The following LSAMP variants were observed in gnomAD, a reference collection of about 807,000 sequenced individuals.
The protein encoded by LSAMP is limbic system-associated membrane protein.
Under a neutral mutation model 38.6 loss-of-function variants are expected in LSAMP, and 7 were observed. The ratio of observed to expected loss-of-function variants is 0.18; its 90% confidence interval spans 0.10 to 0.34. LSAMP has a LOEUF of 0.34. Ranked by LOEUF, LSAMP falls within the 10% of genes least tolerant of loss-of-function variation. The pLI, the probability that LSAMP is intolerant of heterozygous loss-of-function variation, is 1.00. For synonymous variants in LSAMP, 154 were observed against 166.8 expected (o/e 0.92, Z 0.59); for missense variants, 313 against 420.0 (o/e 0.75, Z 2.23).
chr3:116,278,411 T>TATTA (rs894811679), intron 1 of LSAMP, among the ~76,000 whole-genome samples: 57 of 152,310 alleles, frequency 3.7e-4, no homozygotes, highest in African/African-American at 1.3e-3. Context: ...CACCTGAAGT[T>TATTA]ATTATCCTCA....
chr3:116,391,402 T>G (rs2048694907), intron 1 of LSAMP, among the ~76,000 whole-genome samples: 1 of 151,916 alleles, frequency 6.6e-6, no homozygotes, highest in South Asian at 2.1e-4. Flanking sequence ...CTCCAGACCC[T>G]GGCCCTGCAT....
At chr3:115,995,295 A>G (rs779391849) in intron 3 of LSAMP, among the ~76,000 whole-genome samples, 1 of 152,006 alleles carries the variant, frequency 6.6e-6, no homozygotes, top group Non-Finnish European at 1.5e-5. Context: ...TCTTCACCTA[A>G]AAGTGCCTGT....
intron 2 of LSAMP, among the ~76,000 whole-genome samples, chr3:116,061,067 T>G (rs1318316376): frequency 6.6e-6 from 1 of 152,162 alleles, no homozygotes; most frequent in African/African-American, 2.4e-5. Context: ...AATCAGGGAC[T>G]AGGAGACCGC....
At chr3:115,905,490 A>G (rs1187064619) in intron 3 of LSAMP, among the ~76,000 whole-genome samples, 1 of 152,122 alleles carries the variant, frequency 6.6e-6, no homozygotes, top group Non-Finnish European at 1.5e-5. Context: ...TCAGTTTTTC[A>G]TCTGTGAACA....
At chr3:116,367,611 T>C (rs1324873920) in intron 1 of LSAMP, among the ~76,000 whole-genome samples, 1 of 151,750 alleles carries the variant, frequency 6.6e-6, no homozygotes, top group Non-Finnish European at 1.5e-5. Context: ...TTCAAGCGAT[T>C]CTCCTGCCTC....
intron 3 of LSAMP, among the ~76,000 whole-genome samples, chr3:115,951,682 G>C (rs13083724): frequency 0.24 from 35,731 of 151,946 alleles, 5,019 homozygotes; most frequent in East Asian, 0.52. Context: ...TAGTCTTCTG[G>C]CCTACATTTT....
At chr3:116,408,402 T>C (rs1446890041) in intron 1 of LSAMP, among the ~76,000 whole-genome samples, 7 of 152,140 alleles carry the variant, frequency 4.6e-5, no homozygotes, top group African/African-American at 1.7e-4. Context: ...GTGGAACTTC[T>C]GAAAATAAAA....
At chr3:116,021,938 A>AT (rs1187224917) in intron 2 of LSAMP, among the ~76,000 whole-genome samples, 2 of 152,160 alleles carry the variant, frequency 1.3e-5, no homozygotes, top group African/African-American at 2.4e-5. Flanking sequence ...ATCTAGAATA[A>AT]TTGACTACAG....
In LSAMP at chr3:116,201,425, T is replaced by C. The variant is rs544210402; in HGVS notation, c.156-114869A>G. The stretch of plus-strand genomic sequence containing the variant: ...GTCTTTTTATAAAATTAAATTGATA[T>C]CTCTTTGGAAGAGTCATGGATAGTC... On this transcript the variant is annotated intron_variant, in intron 1 of 6. Coordinates refer to ENST00000490035, the MANE Select transcript of LSAMP (RefSeq NM_002338.5). Among the ~76,000 whole-genome samples the C allele has an allele frequency of 6.6e-5, 10 of 152,260 alleles. No individual in the cohort carries two copies. In the East Asian group the frequency reaches 9.7e-4, roughly 15 times the overall value.
chr3:116,052,620 A>C (rs1341721539), intron 2 of LSAMP, among the ~76,000 whole-genome samples: 1 of 152,156 alleles, frequency 6.6e-6, no homozygotes. Context: ...GCCAAACAAG[A>C]CAAAGCATTC....
In LSAMP at chr3:115,899,177, T is replaced by C. The variant is rs372716436; in HGVS notation, c.515-46560A>G. Among the ~76,000 whole-genome samples the C allele has an allele frequency of 5.9e-5, 9 of 152,206 alleles. No individual in the cohort carries two copies. In the East Asian group the frequency reaches 1.2e-3, roughly 20 times the overall value. Reference sequence around the variant, plus strand: ...TGTATTCAGGGTACAAAGAATAACATTTTTAGCTAGCTCGGCTTCCTTTCA... The same window carrying C: ...TGTATTCAGGGTACAAAGAATAACACTTTTAGCTAGCTCGGCTTCCTTTCA... On this transcript the variant is annotated intron_variant, in intron 3 of 6. Coordinates refer to ENST00000490035, the MANE Select transcript of LSAMP (RefSeq NM_002338.5).
At chr3:116,146,044 GA>G (rs1307674526) in intron 1 of LSAMP, among the ~76,000 whole-genome samples, 11 of 151,796 alleles carry the variant, frequency 7.2e-5, no homozygotes, top group Non-Finnish European at 1.5e-4. Flanking sequence ...TTTCACACAA[GA>G]ATTTTTTTTC....
chr3:116,217,997 G>C (rs1029452326), intron 1 of LSAMP, among the ~76,000 whole-genome samples: 2 of 152,120 alleles, frequency 1.3e-5, no homozygotes, highest in African/African-American at 4.8e-5. Flanking sequence ...AGCATGTCTA[G>C]TCTTAAACTT....
intron 1 of LSAMP, among the ~76,000 whole-genome samples, chr3:116,159,057 A>G (rs1189473181): frequency 6.6e-6 from 1 of 152,186 alleles, no homozygotes; most frequent in Non-Finnish European, 1.5e-5. Context: ...TAAATGGGGC[A>G]GAAGATTGAA....
chr3:116,149,133 G>A (rs1470721903), intron 1 of LSAMP, among the ~76,000 whole-genome samples: 1 of 151,968 alleles, frequency 6.6e-6, no homozygotes, highest in Middle Eastern at 3.2e-3. Context: ...GGGTTCATGT[G>A]CAGAATGGTG....
In LSAMP at chr3:116,367,214, A is replaced by G. The variant is rs111802591; in HGVS notation, c.155+77663T>C. On this transcript the variant is annotated intron_variant, in intron 1 of 6. Transcript: ENST00000490035. ...TATGAGGCATTACATGAAAGAAATTACACCCAGCAGCATCTTCAAATTAGT... is the reference window on the plus strand; with the variant it reads ...TATGAGGCATTACATGAAAGAAATTGCACCCAGCAGCATCTTCAAATTAGT... Among the ~76,000 whole-genome samples, 658 of 152,318 alleles carry G rather than the reference A, an allele frequency of 4.3e-3. 6 individuals are homozygous for G. Among genetic ancestry groups the G allele is most frequent in the African/African-American group, 0.015 (625 of 41,574 alleles).
chr3:115,875,509 G>C lies in LSAMP; in HGVS notation c.515-22892C>G, dbSNP rs561067951. Reference sequence around the variant, plus strand: ...TTATCCCAAATATCACTATGTGCTAGGCCTGTCACATAGTAGATACTCAAT... The same window carrying C: ...TTATCCCAAATATCACTATGTGCTACGCCTGTCACATAGTAGATACTCAAT... On this transcript the variant is annotated intron_variant, in intron 3 of 6. Transcript: ENST00000490035. 1.4e-3 allele frequency among the ~76,000 whole-genome samples: 209 copies of C among 152,116 alleles called. 1 individual carries two copies. The highest frequency in any genetic ancestry group is 4.8e-3 in the African/African-American group (199 of 41,514).
At chr3:116,412,073 A>C (rs1243069393) in intron 1 of LSAMP, among the ~76,000 whole-genome samples, 1 of 152,074 alleles carries the variant, frequency 6.6e-6, no homozygotes, top group East Asian at 1.9e-4. Flanking sequence ...GTGGTAGTCC[A>C]TTATATCAAG....
At chr3:116,057,951 ACACACC>A (rs1223647747) in intron 2 of LSAMP, among the ~76,000 whole-genome samples, 10 of 115,250 alleles carry the variant, frequency 8.7e-5, no homozygotes, top group Middle Eastern at 3.9e-3. Flanking sequence ...ACACACACAC[ACACACC>A]CACACACACA....
Sources: allele counts gnomAD v4.1 joint callset (sites outside exome capture counted in the v4.1 genomes callset), GRCh38; gene constraint gnomAD v4.1.1; transcripts MANE v1.5; gene names NCBI Gene and HGNC (gene_info 2026-07-23, HGNC 2026-07-21).